The following VPS13C variants were observed in gnomAD, a reference collection of about 807,000 sequenced individuals.
VPS13C encodes vacuolar protein sorting 13 homolog C.
VPS13C carries 358 observed loss-of-function variants against 456.8 expected under a neutral mutation model. The ratio of observed to expected loss-of-function variants is 0.78; its 90% CI spans 0.72 to 0.86. The LOEUF (loss-of-function observed/expected upper bound fraction) is 0.86, where lower values mean the gene tolerates loss of function less well. Among genes scored for constraint, VPS13C ranks in the 40% least tolerant of loss-of-function variants. The pLI is 0.00. For missense variants in VPS13C, 4,818 were observed against 4,385.4 expected (o/e 1.10, Z -2.79); for synonymous variants, 1,578 against 1,486.7 (o/e 1.06, Z -1.41).
At chr15:61,930,993 A>C in intron 50 of VPS13C, 97 bp downstream of exon 50, 3 of 1,390,424 alleles carry the variant, frequency 2.2e-6, no homozygotes, top group Non-Finnish European at 2.0e-6. Context: ...AAAGACAGAG[A>C]TCTTTTTTGG....
At chr15:61,863,197 G>C (rs866713822) in intron 82 of VPS13C, among the ~76,000 whole-genome samples, 1 of 152,034 alleles carries the variant, frequency 6.6e-6, no homozygotes, top group Non-Finnish European at 1.5e-5. Flanking sequence ...TGTGTAACTT[G>C]GATAAGTCCC....
At position 61,958,614 on chromosome 15, in the gene VPS13C, C is replaced by T. The variant is rs1245427697; in HGVS notation, c.4159G>A (p.Glu1387Lys). 6.4e-7 allele frequency: 1 copy of T among 1,563,024 alleles called. No individual in the cohort carries two copies. Among genetic ancestry groups the T allele is most frequent in the Non-Finnish European group, 8.7e-7 (1 of 1,153,244 alleles). ...CTTACTGTCAGCCTCTTACCTGTCT[C>T]TTGTACTCTTGGTTTCACTTTATCC... ...DLDKVKPRVQETGEIKEPLEI... is the reference protein window; with the variant it reads ...DLDKVKPRVQKTGEIKEPLEI... Residue 1387 changes from glutamate to lysine, a missense_variant, in exon 37 of 85, where the codon GAG (glutamate) becomes AAG (lysine). Glu to Lys is a moderately conservative substitution (Grantham distance 56). Coordinates refer to ENST00000644861, the MANE Select transcript of VPS13C (RefSeq NM_020821.3).
intron 1 of VPS13C, among the ~76,000 whole-genome samples, chr15:62,053,342 C>T (rs1338699665): frequency 6.6e-6 from 1 of 152,144 alleles, no homozygotes; most frequent in African/African-American, 2.4e-5. Flanking sequence ...TCTCAAGCTG[C>T]CCTACAGGTA....
At chr15:62,055,449 G>A (rs2048757464) in intron 1 of VPS13C, among the ~76,000 whole-genome samples, 1 of 148,366 alleles carries the variant, frequency 6.7e-6, no homozygotes. Flanking sequence ...CACTGTGTTA[G>A]CCAGGATGGT....
In VPS13C at chr15:61,983,841, A is replaced by G. The variant is rs1180107221; in HGVS notation, c.1893T>C (p.Pro631=). 1 of 1,613,702 alleles carries G rather than the reference A, an allele frequency of 6.2e-7. No homozygotes were observed. The highest frequency in any genetic ancestry group is 8.5e-7 in the Non-Finnish European group (1 of 1,179,904). Residue 631 remains proline, a synonymous_variant, in exon 20 of 85, where the codon CCT becomes CCC. Coordinates refer to ENST00000644861, the MANE Select transcript of VPS13C (RefSeq NM_020821.3). The part of the protein sequence containing the change: ...ADQTLIVQSQ[P]VEVIYDAKTV... ...TTACAGCATCATAGATGACCTCCACAGGCTGGGACTGAACAATCAGAGTCT... is the reference window on the plus strand; with the variant it reads ...TTACAGCATCATAGATGACCTCCACGGGCTGGGACTGAACAATCAGAGTCT...
intron 66 of VPS13C, among the ~76,000 whole-genome samples, chr15:61,894,006 T>A (rs1173013764): frequency 1.3e-5 from 2 of 151,836 alleles, no homozygotes. Flanking sequence ...AAGAGGGGCA[T>A]TATAAAAGAA....
chr15:61,864,543 A>G, intron 81 of VPS13C: 1 of 910,460 alleles, frequency 1.1e-6, no homozygotes, highest in Non-Finnish European at 1.3e-6. Flanking sequence ...TGCCAATATT[A>G]TTAAAAGGAT....
At chr15:61,943,504 A>G (rs886169699) in intron 45 of VPS13C, among the ~76,000 whole-genome samples, 2 of 152,172 alleles carry the variant, frequency 1.3e-5, no homozygotes, top group African/African-American at 4.8e-5. Flanking sequence ...GTCAACAAAA[A>G]ATAGGCAATG....
At chr15:62,037,301 T>TATA (rs2048065486) in intron 3 of VPS13C, among the ~76,000 whole-genome samples, 1 of 71,320 alleles carries the variant, frequency 1.4e-5, no homozygotes, top group African/African-American at 7.0e-5. Context: ...TATTATATAA[T>TATA]ATATATATAA....
intron 22 of VPS13C, among the ~76,000 whole-genome samples, chr15:61,980,719 C>G (rs2045857840): frequency 6.6e-6 from 1 of 152,012 alleles, no homozygotes; most frequent in Non-Finnish European, 1.5e-5. Context: ...GATTAAATTC[C>G]CAGGACCCTC....
chr15:61,971,169 G>C (rs924772173), intron 27 of VPS13C, among the ~76,000 whole-genome samples: 1 of 152,210 alleles, frequency 6.6e-6, no homozygotes, highest in Non-Finnish European at 1.5e-5. Context: ...GCCATGGAAA[G>C]GACTTAGTCC....
At chr15:61,894,168 C>T (rs568700451) in intron 66 of VPS13C, among the ~76,000 whole-genome samples, 10 of 151,900 alleles carry the variant, frequency 6.6e-5, no homozygotes, top group South Asian at 4.2e-4. Flanking sequence ...ATTAGCTAGG[C>T]GTGGTGGCGT....
At chr15:61,937,366 G>A (rs1330806096) in intron 47 of VPS13C, among the ~76,000 whole-genome samples, 1 of 152,154 alleles carries the variant, frequency 6.6e-6, no homozygotes, top group African/African-American at 2.4e-5. Context: ...GGGTATGTGT[G>A]GCAAAAAGAA....
chr15:62,041,368 T>C lies in VPS13C; in HGVS notation c.145-2A>G, dbSNP rs2048235788. 1.9e-6 allele frequency: 3 copies of C among 1,603,488 alleles called. No homozygotes were observed. Among genetic ancestry groups the C allele is most frequent in the Non-Finnish European group, 2.5e-6 (3 of 1,177,568 alleles). ...TTTAAAAGGAACATCCAATTCACTC[T>C]TCAGAAGAAAGAGAAAATGTAAAGG... On this transcript the variant is annotated splice_acceptor_variant, in intron 2 of 84. Coordinates refer to ENST00000644861, the MANE Select transcript of VPS13C (RefSeq NM_020821.3). LOFTEE classifies it high-confidence loss of function.
At chr15:62,028,791 T>C in intron 5 of VPS13C, among the ~76,000 whole-genome samples, 1 of 152,060 alleles carries the variant, frequency 6.6e-6, no homozygotes, top group East Asian at 1.9e-4. Flanking sequence ...GAATATAATA[T>C]TACTGTGATA....
chr15:61,905,814 A>C (rs2140130592), intron 66 of VPS13C, among the ~76,000 whole-genome samples: 1 of 152,292 alleles, frequency 6.6e-6, no homozygotes, highest in South Asian at 2.1e-4. Flanking sequence ...ATTTAGGATT[A>C]AATGGGATAT....
At chr15:62,037,732 C>G (rs1197270671) in intron 3 of VPS13C, among the ~76,000 whole-genome samples, 1 of 151,668 alleles carries the variant, frequency 6.6e-6, no homozygotes, top group East Asian at 1.9e-4. Context: ...ATGGCTACAA[C>G]TTCTATATTC....
At chr15:61,883,715 G>T (rs533271433) in intron 68 of VPS13C, among the ~76,000 whole-genome samples, 2 of 152,140 alleles carry the variant, frequency 1.3e-5, no homozygotes, top group East Asian at 3.9e-4. Flanking sequence ...TTTCCTCAAT[G>T]AAATATGTAA....
rs2046935811 is a variant in VPS13C, at chr15:62,008,640, C to G, written c.1118+15G>C. 1.9e-6 allele frequency: 3 copies of G among 1,565,256 alleles called. No individual in the cohort carries two copies. The African/African-American group carries it at 4.1e-5, about 21-fold the overall frequency. ...TATATGTTCCTCACAAAACAAAAAA[C>G]AAATTCTAACTTACCATCGTCGACC... On this transcript the variant is annotated intron_variant, in intron 14 of 84. Transcript: ENST00000644861.
Sources: gnomAD v4.1 joint callset for allele counts (sites outside exome capture counted in the v4.1 genomes callset) on GRCh38, gnomAD v4.1.1 for gene constraint, MANE v1.5 for transcripts, NCBI Gene and HGNC (gene_info 2026-07-23, HGNC 2026-07-21) for gene names.